Variants in DNAH14 observed in about 807,000 individuals in gnomAD.
DNAH14 encodes axonemal beta dynein heavy chain 14.
Under a neutral mutation model 520.9 loss-of-function variants are expected in DNAH14, and 478 were observed. That is an observed-to-expected ratio of 0.92 (90% CI 0.85 to 0.99). The LOEUF (loss-of-function observed/expected upper bound fraction) is 0.99. Among genes scored for constraint, DNAH14 ranks in the 50% least tolerant of loss-of-function variants. DNAH14 has a pLI of 0.00. For synonymous variants in DNAH14, 1,581 were observed against 1,757.2 expected (o/e 0.90, Z 2.51); for missense variants, 4,831 against 5,234.5 (o/e 0.92, Z 2.38).
chr1:225,335,217 A>ATATGCACATATACACGTGTACATTGTGTG (rs1558424729), intron 66 of DNAH14, among the ~76,000 whole-genome samples: 3 of 139,722 alleles, frequency 2.1e-5, no homozygotes, highest in Non-Finnish European at 4.8e-5. Context: ...ACATGTGTGT[A>ATATGCACATATACACGTGTACATTGTGTG]TATATGCACA....
intron 84 of DNAH14, chr1:225,396,154 A>G (rs1489578826): frequency 6.6e-6 from 1 of 152,144 alleles, no homozygotes; most frequent in East Asian, 1.9e-4. Flanking sequence ...CTTTAGGAGA[A>G]ATCAGGTGAC....
chr1:225,044,695 C>T (rs1288435191), intron 15 of DNAH14, among the ~76,000 whole-genome samples: 1 of 152,098 alleles, frequency 6.6e-6, no homozygotes, highest in African/African-American at 2.4e-5. Context: ...TTAAAGTTTG[C>T]ATTGTATTAT....
At chr1:224,935,114 G>A (rs1237331097) in intron 1 of DNAH14, among the ~76,000 whole-genome samples, 2 of 151,890 alleles carry the variant, frequency 1.3e-5, no homozygotes, top group East Asian at 1.9e-4. Flanking sequence ...GGAAGGGAAA[G>A]CACTCAAATG....
intron 10 of DNAH14, among the ~76,000 whole-genome samples, chr1:225,008,998 C>G (rs1358018823): frequency 3.3e-5 from 5 of 152,128 alleles, no homozygotes; most frequent in South Asian, 2.1e-4. Flanking sequence ...TTTGTAGATT[C>G]TGGATATTAG....
chr1:225,346,760 G>A, intron 71 of DNAH14, 106 bp downstream of exon 71: 1 of 791,012 alleles, frequency 1.3e-6, no homozygotes, highest in South Asian at 2.3e-5. Flanking sequence ...TAAAGTAAAA[G>A]TAGCTTGAGG....
rs1054226490 is a variant in DNAH14, at chr1:225,346,501, T to C, written c.11143T>C (p.Phe3715Leu). The C allele has an allele frequency of 2.1e-5, 33 of 1,550,920 alleles. No homozygotes were observed. Among genetic ancestry groups the C allele is most frequent in the Non-Finnish European group, 2.7e-5 (31 of 1,146,782 alleles). Residue 3715 changes from phenylalanine (F) to leucine (L), a missense_variant, in exon 71 of 86, where the codon TTT becomes CTT. Transcript: ENST00000682510. ...LFNEDKLCFS[F>L]RLCTVIMQNN... The stretch of plus-strand genomic sequence containing the variant: ...TAATGAAGATAAACTTTGCTTCTCT[T>C]TTCGGCTTTGCACTGTAATCATGCA...
At chr1:225,174,110 G>T (rs985827356) in intron 36 of DNAH14, among the ~76,000 whole-genome samples, 1 of 152,058 alleles carries the variant, frequency 6.6e-6, no homozygotes, top group Non-Finnish European at 1.5e-5. Context: ...AGGGCCTGTT[G>T]TGGGGTTGGG....
chr1:225,091,279 C>T (rs1160805390), intron 21 of DNAH14, among the ~76,000 whole-genome samples: 3 of 152,110 alleles, frequency 2.0e-5, no homozygotes, highest in Middle Eastern at 3.4e-3. Flanking sequence ...ATTTCCAAGA[C>T]ACATAATCGT....
At chr1:225,196,774 G>A (rs746117425) in intron 38 of DNAH14, among the ~76,000 whole-genome samples, 1 of 152,108 alleles carries the variant, frequency 6.6e-6, no homozygotes, top group African/African-American at 2.4e-5. Context: ...GTGATGTTGA[G>A]CATTTTTTCA....
chr1:225,338,096 A>C lies in DNAH14; in HGVS notation c.10347A>C (p.Ala3449=). ...AGACATTAGCTCCAGGCTTAAAGGC[A>C]ATTCTGAAAAAGGATATCTATCAGA... ...LLETLAPGLK[A]ILKKDIYQKK... is the part of the protein sequence containing the mutation. Residue 3449 remains alanine (A), a synonymous_variant, in exon 68 of 86, where the codon GCA becomes GCC. Transcript: ENST00000682510. The C allele has an allele frequency of 6.4e-7, 1 of 1,551,282 alleles. No homozygotes were observed.
Position 225,086,990 on chromosome 1 carries a change from C to CCACACACACA in DNAH14, c.3573+1238_3573+1247dup, listed in dbSNP as rs57900981. 2.1e-4 allele frequency among the ~76,000 whole-genome samples: 31 copies of CCACACACACA among 146,872 alleles called. 1 individual carries two copies. In the East Asian group the frequency reaches 2.6e-3, roughly 12 times the overall value. ...CACATTCAAGAAGCTGAAAAGAACA[C>CCACACACACA]CACACACACACACACACACACACAC... is the stretch of plus-strand genomic sequence containing the variant. On this transcript the variant is annotated intron_variant, in intron 21 of 85. Transcript: ENST00000682510.
intron 12 of DNAH14, among the ~76,000 whole-genome samples, chr1:225,042,131 G>A (rs1438836825): frequency 6.6e-6 from 1 of 152,118 alleles, no homozygotes; most frequent in African/African-American, 2.4e-5. Context: ...AACGTTAACT[G>A]CCTTAATTTG....
chr1:224,950,112 A>C (rs1419843949), intron 1 of DNAH14, among the ~76,000 whole-genome samples: 1 of 152,080 alleles, frequency 6.6e-6, no homozygotes. Context: ...TTGCACTATT[A>C]CTTCAATACT....
intron 36 of DNAH14, among the ~76,000 whole-genome samples, chr1:225,178,587 C>T (rs926365697): frequency 1.3e-5 from 2 of 152,158 alleles, no homozygotes; most frequent in African/African-American, 4.8e-5. Context: ...GCCTGTACCC[C>T]CATTTATATC....
At chr1:225,180,393 AG>A (rs1199393408) in intron 36 of DNAH14, among the ~76,000 whole-genome samples, 3 of 152,184 alleles carry the variant, frequency 2.0e-5, no homozygotes, top group Non-Finnish European at 4.4e-5. Context: ...TATAAAGAAA[AG>A]AGGTGTATTT....
intron 42 of DNAH14, among the ~76,000 whole-genome samples, chr1:225,238,148 G>T (rs1476223431): frequency 6.6e-6 from 1 of 152,110 alleles, no homozygotes; most frequent in African/African-American, 2.4e-5. Context: ...GCCTAGTTTT[G>T]TGCCTTTGCT....
chr1:224,986,322 A>G (rs1015902102), intron 8 of DNAH14, among the ~76,000 whole-genome samples: 1 of 150,520 alleles, frequency 6.6e-6, no homozygotes, highest in Non-Finnish European at 1.5e-5. Flanking sequence ...GCTTATTAAA[A>G]AAAAAAAAAA....
Position 225,204,086 on chromosome 1 carries a change from A to G in DNAH14, c.5887-97A>G, listed in dbSNP as rs1412984689. 5 of 617,426 alleles carry G rather than the reference A, an allele frequency of 8.1e-6. No homozygotes were observed. The South Asian group carries it at 1.3e-4, about 16-fold the overall frequency. The allele number at this position is 617,426 out of a possible 1,614,324, so 38.2% of individuals were successfully genotyped here. A position where few individuals can be genotyped will look rare whatever the true frequency, so the allele number is the denominator to read the frequency against. Reference sequence around the variant, plus strand: ...AGTTACAGAACCCTCTGCCTTTTATATTTTTATCACTCAAGAAAGCATATT... The same window carrying G: ...AGTTACAGAACCCTCTGCCTTTTATGTTTTTATCACTCAAGAAAGCATATT... On this transcript the variant is annotated intron_variant, in intron 38 of 85. Coordinates refer to ENST00000682510, the MANE Select transcript of DNAH14 (RefSeq NM_001367479.1).
intron 11 of DNAH14, among the ~76,000 whole-genome samples, chr1:225,028,254 C>A (rs1654072813): frequency 6.6e-6 from 1 of 150,922 alleles, no homozygotes; most frequent in Non-Finnish European, 1.5e-5. Context: ...GTCTGGGCCT[C>A]AGCTTTTGTG....
Sources: gnomAD v4.1 joint callset for allele counts (sites outside exome capture counted in the v4.1 genomes callset) on GRCh38, gnomAD v4.1.1 for gene constraint, MANE v1.5 for transcripts, NCBI Gene and HGNC (gene_info 2026-07-23, HGNC 2026-07-21) for gene names.